Variants in SYCP1 observed in about 807,000 individuals in gnomAD.
SYCP1 encodes the protein synaptonemal complex protein 1.
SYCP1 carries 64 observed loss-of-function variants against 153.1 expected under a neutral mutation model. That is an observed-to-expected ratio of 0.42 (90% CI 0.34 to 0.51). The LOEUF (loss-of-function observed/expected upper bound fraction) is 0.51, where lower values mean the gene tolerates loss of function less well. Ranked by LOEUF, SYCP1 falls within the 20% of genes least tolerant of loss-of-function variation. The pLI is 0.06. For synonymous variants in SYCP1, 384 were observed against 341.8 expected, an observed-to-expected ratio of 1.12 and a Z score of -1.36; for missense variants, 997 against 1,049.0, an observed-to-expected ratio of 0.95 and a Z score of 0.68.
intron 8 of SYCP1, among the ~76,000 whole-genome samples, chr1:114,872,498 A>G (rs1007481599): frequency 6.6e-6 from 1 of 152,092 alleles, no homozygotes; most frequent in Non-Finnish European, 1.5e-5. Flanking sequence ...TGTAATATGC[A>G]TAGGTGTAGT....
At chr1:114,934,338 C>A (rs1401119621) in intron 23 of SYCP1, among the ~76,000 whole-genome samples, 2 of 152,116 alleles carry the variant, frequency 1.3e-5, no homozygotes, top group African/African-American at 2.4e-5. Flanking sequence ...GAAATAAAAT[C>A]CTTTACAGAC....
Position 114,854,929 on chromosome 1 carries a change from G to A in SYCP1, c.-114G>A, listed in dbSNP as rs1033573917. On this transcript the variant is annotated 5_prime_UTR_variant, in exon 1 of 32. Coordinates refer to ENST00000369522, the MANE Select transcript of SYCP1 (RefSeq NM_003176.4). The stretch of plus-strand genomic sequence containing the variant: ...CGCCTTTTCTGAGGTTCTGAGGCGG[G>A]AGCCATTGGTTCTTTCTGTTGCCCT... The A allele has an allele frequency of 5.3e-5, 8 of 152,152 alleles. No homozygotes were observed. Among genetic ancestry groups the A allele is most frequent in the African/African-American group, 1.7e-4 (7 of 41,438 alleles). 9.4% of individuals were successfully genotyped at this position (152,152 alleles called of 1,614,324 possible).
At chr1:114,900,404 C>T (rs1433425409) in intron 16 of SYCP1, among the ~76,000 whole-genome samples, 2 of 152,100 alleles carry the variant, frequency 1.3e-5, no homozygotes, top group Non-Finnish European at 2.9e-5. Context: ...CCTGAGCCTC[C>T]TGAGTAGCTG....
At chr1:114,893,220 CTCTTTGT>C (rs911469563) in intron 15 of SYCP1, among the ~76,000 whole-genome samples, 9 of 152,056 alleles carry the variant, frequency 5.9e-5, no homozygotes, top group African/African-American at 2.2e-4. Flanking sequence ...CATTTTCTAC[CTCTTTGT>C]TCTTTTTCCT....
At chr1:114,876,633 T>A in intron 10 of SYCP1, 104 bp from the exon 11 acceptor site, 1 of 519,976 alleles carries the variant, frequency 1.9e-6, no homozygotes, top group Non-Finnish European at 3.1e-6. Context: ...TTAATATAAT[T>A]TAGAGATAAA....
intron 27 of SYCP1, among the ~76,000 whole-genome samples, chr1:114,954,606 G>A (rs1475224956): frequency 7.0e-6 from 1 of 142,954 alleles, no homozygotes; most frequent in Non-Finnish European, 1.6e-5. Flanking sequence ...TTTTGAGACG[G>A]AGTCTTGCTC....
chr1:114,864,753 G>T (rs1424234902), intron 8 of SYCP1, among the ~76,000 whole-genome samples: 1 of 152,152 alleles, frequency 6.6e-6, no homozygotes, highest in Non-Finnish European at 1.5e-5. Context: ...CTCCCAAAAT[G>T]TTGGGATTAT....
intron 8 of SYCP1, among the ~76,000 whole-genome samples, chr1:114,861,897 T>C (rs928899069): frequency 6.6e-5 from 10 of 151,344 alleles, no homozygotes; most frequent in African/African-American, 1.9e-4. Context: ...CCTCCTGGGT[T>C]CAGGCAATTC....
intron 27 of SYCP1, among the ~76,000 whole-genome samples, chr1:114,947,837 A>AAG (rs1670834167): frequency 6.7e-6 from 1 of 149,280 alleles, no homozygotes; most frequent in Non-Finnish European, 1.5e-5. Context: ...AAAAAAAAAA[A>AAG]AAAAAGAAAA....
At chr1:114,981,256 TTGC>T in intron 28 of SYCP1, 77 bp from the exon 29 acceptor site, 1 of 1,123,964 alleles carries the variant, frequency 8.9e-7, no homozygotes, top group South Asian at 1.7e-5. Flanking sequence ...ATTCTACTAG[TTGC>T]TGCACTTTAA....
At chr1:114,946,242 T>C in intron 25 of SYCP1, 47 bp from the exon 26 acceptor site, 1 of 921,962 alleles carries the variant, frequency 1.1e-6, no homozygotes, top group Non-Finnish European at 1.6e-6. Flanking sequence ...AATCTTATAA[T>C]CTATTCAGTT....
At chr1:114,970,956 C>T (rs915408760) in intron 27 of SYCP1, among the ~76,000 whole-genome samples, 3 of 152,076 alleles carry the variant, frequency 2.0e-5, no homozygotes, top group East Asian at 1.9e-4. Flanking sequence ...GTGTTACAGC[C>T]GGTGGAATTA....
chr1:114,976,213 T>G (rs769183820), intron 27 of SYCP1, among the ~76,000 whole-genome samples: 6 of 151,792 alleles, frequency 4.0e-5, no homozygotes, highest in Non-Finnish European at 7.4e-5. Context: ...GTACCAGGCT[T>G]CCTTTTTATT....
At chr1:114,860,945 T>C in intron 8 of SYCP1, 136 bp downstream of exon 8, 1 of 614,240 alleles carries the variant, frequency 1.6e-6, no homozygotes, top group Non-Finnish European at 2.7e-6. Context: ...ACTATTTTTA[T>C]ATAAGTAATA....
intron 23 of SYCP1, among the ~76,000 whole-genome samples, chr1:114,936,237 G>A (rs1669999626): frequency 6.6e-6 from 1 of 152,146 alleles, no homozygotes; most frequent in South Asian, 2.1e-4. Context: ...GGGATGCAAG[G>A]CTGATTCAAC....
chr1:114,947,118 G>A, intron 26 of SYCP1, 128 bp from the exon 27 acceptor site: 1 of 743,356 alleles, frequency 1.3e-6, no homozygotes, highest in Non-Finnish European at 2.2e-6. Flanking sequence ...GACTTTAAAA[G>A]TATCTACATT....
Position 114,981,908 on chromosome 1 carries a change from A to G in SYCP1, c.2559+396A>G, listed in dbSNP as rs564468478. On this transcript the variant is annotated intron_variant, in intron 29 of 31. Coordinates refer to ENST00000369522, the MANE Select transcript of SYCP1 (RefSeq NM_003176.4). ...ACAGGAAATCTGATTCTGACTTGAC[A>G]TTTTATAGCATCACCACAGTTACTA... Among the ~76,000 whole-genome samples, 14 of 152,176 alleles carry G rather than the reference A, an allele frequency of 9.2e-5. No individual in the cohort carries two copies. In the East Asian group the frequency reaches 1.7e-3, roughly 19 times the overall value.
At chr1:114,928,878 A>G (rs909312035) in intron 23 of SYCP1, among the ~76,000 whole-genome samples, 6 of 152,198 alleles carry the variant, frequency 3.9e-5, no homozygotes, top group Non-Finnish European at 1.5e-5. Context: ...AAAACAAAAT[A>G]CCACAGACTG....
At chr1:114,878,262 A>T in intron 12 of SYCP1, 60 bp downstream of exon 12, 1 of 1,111,406 alleles carries the variant, frequency 9.0e-7, no homozygotes, top group Non-Finnish European at 1.3e-6. Context: ...TATGTTCTAA[A>T]CATTGACTTT....
Sources: gnomAD v4.1 joint callset for allele counts (sites outside exome capture counted in the v4.1 genomes callset) on GRCh38, gnomAD v4.1.1 for gene constraint, MANE v1.5 for transcripts, NCBI Gene and HGNC (gene_info 2026-07-23, HGNC 2026-07-21) for gene names.